Variants in ESPN observed in about 807,000 individuals in gnomAD.
ESPN encodes espin, also known as autosomal recessive deafness type 36 protein.
A neutral mutation model predicts 77.7 loss-of-function variants in ESPN; 68 were observed. The ratio of observed to expected loss-of-function variants is 0.87; its 90% CI spans 0.72 to 1.07. ESPN has a LOEUF of 1.07. ESPN is among the 50% of genes least tolerant of loss of function. The probability of loss-of-function intolerance (pLI) is 0.00; values close to 1 mark genes in which losing one functional copy is unlikely to be tolerated. For synonymous variants in ESPN, 449 were observed against 567.1 expected, an observed-to-expected ratio of 0.79 and a Z score of 2.96; for missense variants, 1,060 against 1,239.0, an observed-to-expected ratio of 0.86 and a Z score of 2.17.
At chr1:6,426,754 CAT>C (rs1433717247) in intron 1 of ESPN, among the ~76,000 whole-genome samples, 2 of 152,134 alleles carry the variant, frequency 1.3e-5, no homozygotes, top group Admixed American at 6.5e-5. Flanking sequence ...GCTTAGGTCA[CAT>C]TTCACCATGG....
intron 10 of ESPN, among the ~76,000 whole-genome samples, chr1:6,453,011 G>C (rs1643979414): frequency 6.6e-6 from 1 of 152,088 alleles, no homozygotes; most frequent in Admixed American, 6.5e-5. Context: ...TCCCGCCTCA[G>C]CCTCCCGAGT....
chr1:6,443,218 T>C (rs1427400501), intron 5 of ESPN: 1 of 151,284 alleles, frequency 6.6e-6, no homozygotes, highest in Non-Finnish European at 1.5e-5. Context: ...CTGGGTGCCA[T>C]GTCCTGGAGC....
At position 6,448,332 on chromosome 1, in the gene ESPN, C is replaced by T. The variant is rs1569707352; in HGVS notation, c.1465-309C>T. ...GGGAGGTGCCCCTTCGCCAGCTCCC[C>T]CTGGCGTCGGGGCTGGGCCACCCCG... On this transcript the variant is annotated intron_variant, in intron 7 of 12. Transcript: ENST00000645284. The T allele has an allele frequency of 1.8e-5, 6 of 331,386 alleles. No individual in the cohort carries two copies. The East Asian group carries it at 2.9e-4, about 16-fold the overall frequency. The allele number at this position is 331,386 out of a possible 1,614,324, so 20.5% of individuals were successfully genotyped here. A position where few individuals can be genotyped will look rare whatever the true frequency, so the allele number is the denominator to read the frequency against.
chr1:6,433,606 C>CA (rs569450960), intron 2 of ESPN, among the ~76,000 whole-genome samples: 16,393 of 132,472 alleles, frequency 0.12, 1,447 homozygotes, highest in African/African-American at 0.25. Context: ...GAATCCATTT[C>CA]AAAAAAAAAA....
intron 2 of ESPN, among the ~76,000 whole-genome samples, chr1:6,431,628 C>CAAAAA (rs760363517): frequency 2.1e-4 from 13 of 61,722 alleles, no homozygotes; most frequent in South Asian, 1.2e-3. Flanking sequence ...AAGATTCTGT[C>CAAAAA]AAAAAAAAAA....
Position 6,427,234 on chromosome 1 carries a change from G to A in ESPN, c.295-992G>A, listed in dbSNP as rs964496205. Among the ~76,000 whole-genome samples the A allele has an allele frequency of 5.3e-5, 8 of 151,976 alleles. No individual in the cohort carries two copies. The highest frequency in any genetic ancestry group is 8.8e-5 in the Non-Finnish European group (6 of 67,988). ...CACTGCATCCTGCACCCAGAACCCT[G>A]CCCACCCCTCTGTCATCCTATGTGC... On this transcript the variant is annotated intron_variant, in intron 1 of 12. Transcript: ENST00000645284. The surrounding 1 kb of genome is among the most constrained non-coding windows in gnomAD (Gnocchi z 4.6).
In ESPN at chr1:6,425,113, G is replaced by C; in HGVS notation, c.158G>C (p.Arg53Pro). 2 of 1,508,198 alleles carry C rather than the reference G, an allele frequency of 1.3e-6. No individual in the cohort carries two copies. Among genetic ancestry groups the C allele is most frequent in the East Asian group, 2.6e-5 (1 of 38,258 alleles). 93.4% of individuals were successfully genotyped at this position (1,508,198 alleles called of 1,614,324 possible). A position where few individuals can be genotyped will look rare whatever the true frequency, so the allele number is the denominator to read the frequency against. The stretch of plus-strand genomic sequence containing the variant: ...CGCGCTGGGAAGCTGCACTGTCTGC[G>C]CTTCCTGGTGGAGGAAGCCGCCCTC... Reference protein sequence around the residue: ...AARAGKLHCLRFLVEEAALPA... With the variant: ...AARAGKLHCLPFLVEEAALPA... The change falls in exon 1 of 13, where the codon CGC becomes CCC. Residue 53 changes from arginine (R) to proline (P), a missense_variant. Around this residue, in one of 3 missense-constraint regions of ESPN, gnomAD observed 556 missense variants for 633.6 expected, o/e 0.88. Coordinates refer to ENST00000645284, the MANE Select transcript of ESPN (RefSeq NM_031475.3).
At chr1:6,440,882 C>G in intron 4 of ESPN, 52 bp from the exon 5 acceptor site, 2 of 1,536,256 alleles carry the variant, frequency 1.3e-6, no homozygotes, top group African/African-American at 1.4e-5. Context: ...TGCCCGGGCG[C>G]GGGGGTCCCA....
In ESPN at chr1:6,454,843, C is replaced by T. The variant is rs116562348; in HGVS notation, c.2326-2341C>T. The T allele has an allele frequency of 9.4e-3, 3,710 of 394,382 alleles. 131 individuals carry two copies. The highest frequency in any genetic ancestry group is 0.066 in the African/African-American group (3,213 of 48,486). The allele number at this position is 394,382 out of a possible 1,614,324, so 24.4% of individuals were successfully genotyped here. A position where few individuals can be genotyped will look rare whatever the true frequency, so the allele number is the denominator to read the frequency against. On this transcript the variant is annotated intron_variant, in intron 10 of 12. Transcript: ENST00000645284. ...GCTGACACGGGCCAGCCGCTGGCGCCGCTGCCCGACGCGCCCTGGCTGCCC... is the reference window on the plus strand; with the variant it reads ...GCTGACACGGGCCAGCCGCTGGCGCTGCTGCCCGACGCGCCCTGGCTGCCC...
At chr1:6,453,443 G>A (rs1211257051) in intron 10 of ESPN, among the ~76,000 whole-genome samples, 1 of 152,246 alleles carries the variant, frequency 6.6e-6, no homozygotes, top group Admixed American at 6.5e-5. Context: ...GCTGGGGGGC[G>A]TGTTAGGGAA....
In ESPN at chr1:6,451,218, C is replaced by T; in HGVS notation, c.1916-385C>T. 5.5e-6 allele frequency: 2 copies of T among 361,796 alleles called. No individual in the cohort carries two copies. The highest frequency in any genetic ancestry group is 5.3e-6 in the Non-Finnish European group (1 of 187,572). The allele number at this position is 361,796 out of a possible 1,614,324, so 22.4% of individuals were successfully genotyped here. On this transcript the variant is annotated intron_variant, in intron 8 of 12. Coordinates refer to ENST00000645284, the MANE Select transcript of ESPN (RefSeq NM_031475.3). The surrounding 1 kb of genome is among the most constrained non-coding windows in gnomAD (Gnocchi z 4.3). Reference sequence around the variant, plus strand: ...GGAGAGGGCCAGAGGGAGGCTCCACCCCAGCCGGGCTGAGCCAGGGAACCT... The same window carrying T: ...GGAGAGGGCCAGAGGGAGGCTCCACTCCAGCCGGGCTGAGCCAGGGAACCT...
rs550849425 is a variant in ESPN, at chr1:6,436,751, C to A, written c.489-3503C>A. On this transcript the variant is annotated intron_variant, in intron 2 of 12. Transcript: ENST00000645284. The stretch of plus-strand genomic sequence containing the variant: ...CGAACTCCTAGGCTCAGGCAGTCCT[C>A]CTGCTTTGGCCTCCGAAGGTGCTTG... Among the ~76,000 whole-genome samples the A allele has an allele frequency of 6.4e-4, 97 of 152,250 alleles. 1 individual carries two copies. The South Asian group carries it at 0.019, about 31-fold the overall frequency.
chr1:6,451,793 T>A lies in ESPN; in HGVS notation c.2062-40T>A, dbSNP rs1333387724. On this transcript the variant is annotated intron_variant, in intron 9 of 12. Coordinates refer to ENST00000645284, the MANE Select transcript of ESPN (RefSeq NM_031475.3). This position sits in a 1 kb window ranked among gnomAD's most constrained non-coding sequence, Gnocchi z 4.3. ...GCCTGCGACCCGGCTTCCCTGGCCCTAGGCCACCGGGCGCTCAGCCCCACC... is the reference window on the plus strand; with the variant it reads ...GCCTGCGACCCGGCTTCCCTGGCCCAAGGCCACCGGGCGCTCAGCCCCACC... 2 of 1,610,272 alleles carry A rather than the reference T, an allele frequency of 1.2e-6. No homozygotes were observed.
chr1:6,449,070 CGCT>C lies in ESPN; in HGVS notation c.1895_1897del (p.Arg632_Ser633delinsPro), dbSNP rs925875533. On this transcript the variant is annotated inframe_deletion, in exon 8 of 13. Transcript: ENST00000645284. ...CGCTGGCCCTGGCTGCGGGCAGCGC[CGCT>C]CCTCCTCGTCCACCGGCAGTGAGTA... 6.9e-5 allele frequency: 103 copies of C among 1,483,410 alleles called. No homozygotes were observed. In the African/African-American group the frequency reaches 1.3e-3, roughly 19 times the overall value. 91.9% of individuals were successfully genotyped at this position (1,483,410 alleles called of 1,614,324 possible).
chr1:6,459,064 A>C (rs1229918845), intron 12 of ESPN, among the ~76,000 whole-genome samples: 1 of 151,926 alleles, frequency 6.6e-6, no homozygotes, highest in East Asian at 1.9e-4. Flanking sequence ...AACATGGTGA[A>C]ACCCCGTCTC....
chr1:6,435,978 A>G lies in ESPN; in HGVS notation c.489-4276A>G, dbSNP rs551850186. On this transcript the variant is annotated intron_variant, in intron 2 of 12. Coordinates refer to ENST00000645284, the MANE Select transcript of ESPN (RefSeq NM_031475.3). ...AGAAGCAAGACTGTGGCACAGCTCA[A>G]AGGCACGGGACTTGAGCCAGGTCCT... is the stretch of plus-strand genomic sequence containing the variant. 3.9e-5 allele frequency among the ~76,000 whole-genome samples: 6 copies of G among 152,310 alleles called. 1 individual carries two copies. In the South Asian group the frequency reaches 6.2e-4, roughly 16 times the overall value.
At chr1:6,454,546 G>C in intron 10 of ESPN, 1 of 398,998 alleles carries the variant, frequency 2.5e-6, no homozygotes, top group Non-Finnish European at 4.4e-6. Flanking sequence ...GACATCCTCC[G>C]CATCGAGCAG....
chr1:6,454,395 G>A (rs1644011691), intron 10 of ESPN: 2 of 398,740 alleles, frequency 5.0e-6, no homozygotes. Flanking sequence ...GCCAGAGGGA[G>A]ACGCGCCTCC....
In ESPN at chr1:6,447,641, C is replaced by A. The variant is rs1643874140; in HGVS notation, c.1465-1000C>A. On this transcript the variant is annotated intron_variant, in intron 7 of 12. Transcript: ENST00000645284. The surrounding 1 kb of genome is among the most constrained non-coding windows in gnomAD (Gnocchi z 5.2). Reference sequence around the variant, plus strand: ...GAAGCCACGCTGTCACCCGACCCCGCCTTACGGCCCCTGAAATCCGAGGCT... The same window carrying A: ...GAAGCCACGCTGTCACCCGACCCCGACTTACGGCCCCTGAAATCCGAGGCT... 1.3e-5 allele frequency among the ~76,000 whole-genome samples: 2 copies of A among 152,206 alleles called. No individual in the cohort carries two copies. Among genetic ancestry groups the A allele is most frequent in the Non-Finnish European group, 2.9e-5 (2 of 68,034 alleles).
Sources: gnomAD v4.1 joint callset for allele counts (sites outside exome capture counted in the v4.1 genomes callset) on GRCh38, gnomAD v4.1.1 for gene constraint, gnomAD v4.1.1 regional missense constraint, Gnocchi (gnomAD v3.1) non-coding constraint, MANE v1.5 for transcripts, NCBI Gene and HGNC (gene_info 2026-07-23, HGNC 2026-07-21) for gene names.